Variants in ASTN1 observed in about 807,000 individuals in gnomAD.
ASTN1 encodes the protein astrotactin 1, also known as astrotactin-1.
ASTN1 carries 41 observed loss-of-function variants against 140.7 expected under a neutral mutation model. That is an observed-to-expected ratio of 0.29 (90% confidence interval 0.23 to 0.38). The LOEUF (loss-of-function observed/expected upper bound fraction) is 0.38, where lower values mean the gene tolerates loss of function less well. Among genes scored for constraint, ASTN1 ranks in the 10% least tolerant of loss-of-function variants. The probability of loss-of-function intolerance (pLI) is 1.00; values close to 1 mark genes in which losing one functional copy is unlikely to be tolerated. For missense variants in ASTN1, 1,479 were observed against 1,678.8 expected (o/e 0.88, Z 2.08); for synonymous variants, 640 against 652.2 (o/e 0.98, Z 0.29).
At position 177,117,645 on chromosome 1, in the gene ASTN1, C is replaced by T. The variant is rs1311554688; in HGVS notation, c.283+46749G>A. 2.0e-5 allele frequency among the ~76,000 whole-genome samples: 3 copies of T among 152,162 alleles called. No homozygotes were observed. The East Asian group carries it at 5.8e-4, about 29-fold the overall frequency. On this transcript the variant is annotated intron_variant, in intron 1 of 22. Transcript: ENST00000361833. Reference sequence around the variant, plus strand: ...CCCTAATAAAGTTCAAATTGGTTAGCATGGCATTCAATATGTCCCAAAATT... The same window carrying T: ...CCCTAATAAAGTTCAAATTGGTTAGTATGGCATTCAATATGTCCCAAAATT...
chr1:176,928,485 A>G (rs1043283433), intron 16 of ASTN1, among the ~76,000 whole-genome samples: 8 of 152,248 alleles, frequency 5.3e-5, no homozygotes, highest in African/African-American at 1.7e-4. Flanking sequence ...CAAAGGATCC[A>G]TATAAAGAGC....
intron 21 of ASTN1, among the ~76,000 whole-genome samples, chr1:176,875,377 G>T (rs531412151): frequency 2.9e-4 from 44 of 152,274 alleles, no homozygotes; most frequent in African/African-American, 1.0e-3. Context: ...TAATATTTTT[G>T]TCACAAGAGG....
chr1:177,083,177 G>A (rs1045999487), intron 1 of ASTN1, among the ~76,000 whole-genome samples: 2 of 151,944 alleles, frequency 1.3e-5, no homozygotes, highest in Admixed American at 1.3e-4. Context: ...GGAGAAATAG[G>A]TTTAGTGACC....
In ASTN1 at chr1:176,904,265, AG is replaced by A. The variant is rs745753057; in HGVS notation, c.2672-9436del. Among the ~76,000 whole-genome samples, 239 of 152,232 alleles carry A rather than the reference AG, an allele frequency of 1.6e-3. 3 individuals are homozygous for A. Among genetic ancestry groups the A allele is most frequent in the Admixed American group, 3.8e-3 (58 of 15,292 alleles). On this transcript the variant is annotated intron_variant, in intron 16 of 22. Transcript: ENST00000361833. ...CAGTCCATCCCCTCAGCTTCCTCCCAGGGCTTAAGGGCAGTGGGAAGTGAAA... is the reference window on the plus strand; with the variant it reads ...CAGTCCATCCCCTCAGCTTCCTCCCAGGCTTAAGGGCAGTGGGAAGTGAAA...
intron 2 of ASTN1, among the ~76,000 whole-genome samples, chr1:177,050,436 C>T (rs771773676): frequency 6.6e-6 from 1 of 152,164 alleles, no homozygotes; most frequent in Non-Finnish European, 1.5e-5. Flanking sequence ...AATAAACTGA[C>T]ATCTGATTCA....
intron 1 of ASTN1, among the ~76,000 whole-genome samples, chr1:177,124,862 A>C (rs1039088731): frequency 1.3e-5 from 2 of 152,230 alleles, no homozygotes; most frequent in African/African-American, 4.8e-5. Flanking sequence ...AAGCATTTTC[A>C]CATGGGGCTA....
chr1:177,105,726 G>C (rs1391288477), intron 1 of ASTN1, among the ~76,000 whole-genome samples: 1 of 151,824 alleles, frequency 6.6e-6, no homozygotes, highest in Admixed American at 6.6e-5. Flanking sequence ...TTGAGAAATT[G>C]GTATATTCTC....
Position 176,889,506 on chromosome 1 carries a change from G to A in ASTN1, c.2941-1302C>T, listed in dbSNP as rs567956532. 4.6e-5 allele frequency among the ~76,000 whole-genome samples: 7 copies of A among 152,270 alleles called. 1 individual carries two copies. The highest frequency in any genetic ancestry group is 1.7e-4 in the African/African-American group (7 of 41,556). On this transcript the variant is annotated intron_variant, in intron 17 of 22. Coordinates refer to ENST00000361833, the MANE Select transcript of ASTN1 (RefSeq NM_004319.3). ...AAAAAGAAAAGAAAAAGAGACAAAC[G>A]GAAAACAGGAGATAACTCTCCAAAA...
At chr1:176,997,906 A>G (rs546076429) in intron 8 of ASTN1, among the ~76,000 whole-genome samples, 59 of 152,228 alleles carry the variant, frequency 3.9e-4, no homozygotes, top group African/African-American at 1.4e-3. Flanking sequence ...TAGGGTATTA[A>G]AGGGAAGGAA....
At chr1:177,059,026 G>A (rs1378885388) in intron 2 of ASTN1, among the ~76,000 whole-genome samples, 2 of 152,062 alleles carry the variant, frequency 1.3e-5, no homozygotes, top group African/African-American at 4.8e-5. Context: ...CATATTGTTT[G>A]TCTCAACTTC....
rs1668049623 is a variant in ASTN1, at chr1:176,864,020, T to A, written c.*264A>T. The A allele has an allele frequency of 3.2e-6, 4 of 1,250,888 alleles. 1 individual carries two copies. In the South Asian group the frequency reaches 8.2e-5, roughly 26 times the overall value. The allele number at this position is 1,250,888 out of a possible 1,614,324, so 77.5% of individuals were successfully genotyped here. On this transcript the variant is annotated 3_prime_UTR_variant, in exon 23 of 23. Coordinates refer to ENST00000361833, the MANE Select transcript of ASTN1 (RefSeq NM_004319.3). ...AAAAAAAATGAATGGAACAAATTAATGGCAAAGCAAACCCCAAAGTAATCC... is the reference window on the plus strand; with the variant it reads ...AAAAAAAATGAATGGAACAAATTAAAGGCAAAGCAAACCCCAAAGTAATCC...
intron 3 of ASTN1, among the ~76,000 whole-genome samples, chr1:177,032,017 A>T (rs1676467945): frequency 6.6e-6 from 1 of 152,196 alleles, no homozygotes; most frequent in South Asian, 2.1e-4. Context: ...CCCAGGCCCA[A>T]TTCTCAGGAG....
chr1:176,907,031 C>T (rs6425402), intron 16 of ASTN1, among the ~76,000 whole-genome samples: 1 of 151,840 alleles, frequency 6.6e-6, no homozygotes, highest in Non-Finnish European at 1.5e-5. Context: ...ATATAGAAAC[C>T]AGTCAATCAC....
chr1:176,860,369 T>A (rs1448342323), downstream of ASTN1, among the ~76,000 whole-genome samples: 1 of 152,254 alleles, frequency 6.6e-6, no homozygotes, highest in Non-Finnish European at 1.5e-5. Context: ...ATTCTGATCA[T>A]TACTTTTCAA....
chr1:177,071,250 C>A (rs1319122488), intron 1 of ASTN1, among the ~76,000 whole-genome samples: 2 of 152,136 alleles, frequency 1.3e-5, no homozygotes, highest in African/African-American at 4.8e-5. Context: ...GCTATCTAGG[C>A]CCATTCTAGG....
intron 15 of ASTN1, 85 bp downstream of exon 15, chr1:176,936,181 G>C: frequency 8.1e-7 from 1 of 1,228,180 alleles, no homozygotes; most frequent in Non-Finnish European, 1.2e-6. Flanking sequence ...CTGCATCTTC[G>C]ACAGTGGGAC....
intron 2 of ASTN1, among the ~76,000 whole-genome samples, chr1:177,036,502 T>G (rs1279716537): frequency 6.6e-6 from 1 of 152,218 alleles, no homozygotes; most frequent in Non-Finnish European, 1.5e-5. Flanking sequence ...CAAAATACTT[T>G]GCAATGGCTT....
Position 177,059,602 on chromosome 1 carries a change from G to A in ASTN1, c.471+1476C>T, listed in dbSNP as rs973988171. ...CCATATAATTTAAACAAAGTGCCTC[G>A]TGTACATGCAGGTAACCTATCAAGC... On this transcript the variant is annotated intron_variant, in intron 2 of 22. Coordinates refer to ENST00000361833, the MANE Select transcript of ASTN1 (RefSeq NM_004319.3). 6.6e-5 allele frequency among the ~76,000 whole-genome samples: 10 copies of A among 152,222 alleles called. No homozygotes were observed. The East Asian group carries it at 9.6e-4, about 15-fold the overall frequency.
intron 8 of ASTN1, among the ~76,000 whole-genome samples, chr1:176,992,688 T>C (rs1674246357): frequency 6.6e-6 from 1 of 152,330 alleles, no homozygotes; most frequent in African/African-American, 2.4e-5. Context: ...TGGTGGAGAA[T>C]ACAGGAGTAC....
Sources: gnomAD v4.1 joint callset for allele counts (sites outside exome capture counted in the v4.1 genomes callset) on GRCh38, gnomAD v4.1.1 for gene constraint, MANE v1.5 for transcripts, NCBI Gene and HGNC (gene_info 2026-07-23, HGNC 2026-07-21) for gene names.